SCAI: variants seen among roughly 807,000 people sequenced by gnomAD.
The protein encoded by SCAI is suppressor of cancer cell invasion.
A neutral mutation model predicts 92.2 loss-of-function variants in SCAI; 24 were observed. The ratio of observed to expected loss-of-function variants is 0.26; its 90% confidence interval spans 0.19 to 0.37. The LOEUF (loss-of-function observed/expected upper bound fraction) is 0.37. SCAI is among the 10% of genes least tolerant of loss of function. SCAI has a pLI of 1.00. For synonymous variants in SCAI, 261 were observed against 258.6 expected, an observed-to-expected ratio of 1.01 and a Z score of -0.09; for missense variants, 450 against 736.2, an observed-to-expected ratio of 0.61 and a Z score of 4.50.
chr9:125,129,249 T>G (rs1206405353), intron 2 of SCAI, among the ~76,000 whole-genome samples: 1 of 151,306 alleles, frequency 6.6e-6, no homozygotes, highest in Non-Finnish European at 1.5e-5. Context: ...CAGACCAGCC[T>G]GGTTAACATG....
chr9:125,105,537 T>A (rs1160329213), intron 2 of SCAI, among the ~76,000 whole-genome samples: 3 of 152,244 alleles, frequency 2.0e-5, no homozygotes, highest in African/African-American at 7.2e-5. Context: ...AATTTGAATG[T>A]TCTTTAAAGT....
chr9:124,993,022 G>A (rs570565319), intron 14 of SCAI, among the ~76,000 whole-genome samples: 1 of 152,164 alleles, frequency 6.6e-6, no homozygotes, highest in Non-Finnish European at 1.5e-5. Context: ...GAAACTAATG[G>A]ATTGCTAAAG....
intron 17 of SCAI, among the ~76,000 whole-genome samples, chr9:124,962,317 G>A (rs776930751): frequency 1.3e-5 from 2 of 151,592 alleles, no homozygotes; most frequent in Admixed American, 6.6e-5. Context: ...ACGCCACGAC[G>A]CCCAGCTAAT....
intron 13 of SCAI, among the ~76,000 whole-genome samples, chr9:124,997,968 A>AT (rs747115745): frequency 9.9e-5 from 15 of 151,582 alleles, no homozygotes; most frequent in Non-Finnish European, 1.0e-4. Context: ...ATTTAAAAAA[A>AT]TTTTTTTTTA....
At chr9:124,961,424 T>G (rs1258988422) in intron 17 of SCAI, among the ~76,000 whole-genome samples, 1 of 151,842 alleles carries the variant, frequency 6.6e-6, no homozygotes, top group African/African-American at 2.4e-5. Flanking sequence ...CTGAGGCGGT[T>G]GGATCACCTG....
intron 17 of SCAI, among the ~76,000 whole-genome samples, chr9:124,953,261 A>G (rs1831259878): frequency 6.6e-6 from 1 of 152,144 alleles, no homozygotes; most frequent in Admixed American, 6.5e-5. Flanking sequence ...TACTGGGGGG[A>G]AAATCCTAAC....
At chr9:124,955,346 CTT>C (rs1831298768) in intron 17 of SCAI, among the ~76,000 whole-genome samples, 1 of 151,858 alleles carries the variant, frequency 6.6e-6, no homozygotes, top group Non-Finnish European at 1.5e-5. Context: ...GGGAGGATCT[CTT>C]GAGCCCAGGA....
At chr9:125,122,756 A>ATT (rs1017859235) in intron 2 of SCAI, among the ~76,000 whole-genome samples, 4 of 151,984 alleles carry the variant, frequency 2.6e-5, no homozygotes, top group Non-Finnish European at 5.9e-5. Context: ...AATACAAAAA[A>ATT]TTTTCTGGGC....
At chr9:124,985,673 C>G (rs1186874361) in intron 14 of SCAI, among the ~76,000 whole-genome samples, 2 of 151,640 alleles carry the variant, frequency 1.3e-5, no homozygotes, top group African/African-American at 4.8e-5. Flanking sequence ...TTTGAGGCCA[C>G]CCTGACCAAC....
chr9:125,011,759 G>A (rs1330850655), intron 9 of SCAI, among the ~76,000 whole-genome samples: 1 of 152,148 alleles, frequency 6.6e-6, no homozygotes, highest in Admixed American at 6.5e-5. Flanking sequence ...AATGAAGGAA[G>A]AAATGTTAAG....
intron 2 of SCAI, among the ~76,000 whole-genome samples, chr9:125,061,065 A>C (rs1019606905): frequency 1.3e-5 from 2 of 151,276 alleles, no homozygotes; most frequent in African/African-American, 4.9e-5. Flanking sequence ...TGGGAGGCCA[A>C]GGCAGGCAGA....
At chr9:125,099,563 G>T (rs533707982) in intron 2 of SCAI, among the ~76,000 whole-genome samples, 1 of 152,200 alleles carries the variant, frequency 6.6e-6, no homozygotes, top group African/African-American at 2.4e-5. Flanking sequence ...ATTACAGACG[G>T]CAGCTTTTCA....
At chr9:125,097,239 C>T (rs1324186275) in intron 2 of SCAI, among the ~76,000 whole-genome samples, 1 of 152,142 alleles carries the variant, frequency 6.6e-6, no homozygotes, top group African/African-American at 2.4e-5. Flanking sequence ...TTGACACCAG[C>T]CTGGCCAACA....
chr9:125,069,713 T>C (rs553210003), intron 2 of SCAI, among the ~76,000 whole-genome samples: 1 of 129,406 alleles, frequency 7.7e-6, no homozygotes, highest in African/African-American at 3.0e-5. Context: ...AACCTCCACC[T>C]CCCGGGTTCA....
chr9:125,108,630 G>A (rs919725344), intron 2 of SCAI, among the ~76,000 whole-genome samples: 2 of 144,280 alleles, frequency 1.4e-5, no homozygotes, highest in African/African-American at 5.2e-5. Context: ...GAGCCCCTCC[G>A]CCCGGCAGCC....
intron 9 of SCAI, among the ~76,000 whole-genome samples, chr9:125,014,062 C>T (rs1832697405): frequency 6.6e-6 from 1 of 151,988 alleles, no homozygotes; most frequent in Non-Finnish European, 1.5e-5. Context: ...GACAAACCCA[C>T]AGCCAATATC....
In SCAI at chr9:125,053,165, C is replaced by G. The variant is rs563031144; in HGVS notation, c.230+2711G>C. Among the ~76,000 whole-genome samples, 36 of 152,224 alleles carry G rather than the reference C, an allele frequency of 2.4e-4. No homozygotes were observed. The South Asian group carries it at 7.3e-3, about 31-fold the overall frequency. ...GCCTGGCCAACATAGTGAAACCTGT[C>G]TCTACCAAAAATACAAAAATTACTT... On this transcript the variant is annotated intron_variant, in intron 3 of 17. Transcript: ENST00000336505.
chr9:125,065,205 C>A (rs188919132), intron 2 of SCAI, among the ~76,000 whole-genome samples: 11 of 151,862 alleles, frequency 7.2e-5, no homozygotes, highest in African/African-American at 2.4e-4. Flanking sequence ...GCAAGAATGA[C>A]CCACGGGGGA....
intron 7 of SCAI, among the ~76,000 whole-genome samples, chr9:125,019,515 T>C (rs572424791): frequency 5.3e-5 from 8 of 151,728 alleles, no homozygotes; most frequent in Admixed American, 3.3e-4. Context: ...TAAAAAAAAA[T>C]GAGGCTGGAT....
Sources: allele counts gnomAD v4.1 joint callset (sites outside exome capture counted in the v4.1 genomes callset), GRCh38; gene constraint gnomAD v4.1.1; transcripts MANE v1.5; gene names NCBI Gene and HGNC (gene_info 2026-07-23, HGNC 2026-07-21).